The following FRMD5 variants were observed in gnomAD, a reference collection of about 807,000 sequenced individuals.
FRMD5 encodes the protein FERM domain containing 5, also known as FERM domain-containing protein 5.
FRMD5 carries 20 observed loss-of-function variants against 69.0 expected under a neutral mutation model. The ratio of observed to expected loss-of-function variants is 0.29; its 90% CI spans 0.20 to 0.42. FRMD5 has a LOEUF of 0.42. Ranked by LOEUF, FRMD5 falls within the 10% of genes least tolerant of loss-of-function variation. FRMD5 has a pLI of 1.00. For missense variants in FRMD5, 595 were observed against 708.6 expected (o/e 0.84, Z 1.82); for synonymous variants, 271 against 260.1 (o/e 1.04, Z -0.40).
chr15:43,888,711 TAGCTTGGCTCTACTGGGGTCCCTCA>T (rs1042352313), intron 9 of FRMD5, 73 bp downstream of exon 9: 9 of 966,866 alleles, frequency 9.3e-6, no homozygotes, highest in East Asian at 2.4e-5. Flanking sequence ...AGTATGTGGG[TAGCTTGGCTCTACTGGGGTCCCTCA>T]AGCTTGGCTC....
At chr15:43,875,102 C>T (rs2088293700) in intron 13 of FRMD5, among the ~76,000 whole-genome samples, 2 of 151,950 alleles carry the variant, frequency 1.3e-5, no homozygotes, top group Admixed American at 1.3e-4. Context: ...GGAGGGGAGG[C>T]AGGAGAACTG....
intron 1 of FRMD5, among the ~76,000 whole-genome samples, chr15:43,998,090 A>G (rs895964602): frequency 6.6e-6 from 1 of 152,230 alleles, no homozygotes; most frequent in African/African-American, 2.4e-5. Flanking sequence ...CAACTGGTTC[A>G]ATGTGGAACT....
At chr15:44,022,584 G>GGA (rs35363391) in intron 1 of FRMD5, among the ~76,000 whole-genome samples, 1 of 73,168 alleles carries the variant, frequency 1.4e-5, no homozygotes, top group Admixed American at 2.1e-4. Context: ...CACTCCACCA[G>GGA]AAAAAAAAAA....
intron 1 of FRMD5, among the ~76,000 whole-genome samples, chr15:44,049,962 C>G (rs1892585802): frequency 6.6e-6 from 1 of 152,136 alleles, no homozygotes; most frequent in South Asian, 2.1e-4. Context: ...TTGTCTCCAG[C>G]ACTAAACAAT....
intron 1 of FRMD5, among the ~76,000 whole-genome samples, chr15:44,144,791 C>A (rs973590989): frequency 6.6e-6 from 1 of 152,176 alleles, no homozygotes; most frequent in African/African-American, 2.4e-5. Context: ...GAAACTGCAA[C>A]GGAGTGAGTC....
At chr15:44,123,435 A>T (rs1010713949) in intron 1 of FRMD5, among the ~76,000 whole-genome samples, 6 of 152,210 alleles carry the variant, frequency 3.9e-5, no homozygotes. Context: ...TTTCGTATAT[A>T]AACAAGCTGG....
chr15:43,984,357 C>G (rs2412849), intron 1 of FRMD5, among the ~76,000 whole-genome samples: 125,240 of 152,158 alleles, frequency 0.82, 54,419 homozygotes, highest in Non-Finnish European at 0.95. Context: ...CGGAAACAAG[C>G]ACTGTGTGCA....
chr15:44,040,201 T>G lies in FRMD5; in HGVS notation c.103-115892A>C, dbSNP rs141910034. On this transcript the variant is annotated intron_variant, in intron 1 of 13. Coordinates refer to ENST00000417257, the MANE Select transcript of FRMD5 (RefSeq NM_032892.5). ...CAAATCTACATTTGATTGGTGTACCTGAAAGTAGCAGGGAGAATGGAACCA... is the reference window on the plus strand; with the variant it reads ...CAAATCTACATTTGATTGGTGTACCGGAAAGTAGCAGGGAGAATGGAACCA... 1.4e-3 allele frequency among the ~76,000 whole-genome samples: 208 copies of G among 152,260 alleles called. 4 individuals are homozygous for G. In the East Asian group the frequency reaches 0.033, roughly 24 times the overall value.
chr15:43,967,855 CCAT>C, intron 1 of FRMD5, among the ~76,000 whole-genome samples: 1 of 151,618 alleles, frequency 6.6e-6, no homozygotes, highest in South Asian at 2.1e-4. Context: ...ACCTATCAAC[CCAT>C]CATCTAGATT....
intron 1 of FRMD5, among the ~76,000 whole-genome samples, chr15:44,124,078 G>A (rs1331310939): frequency 2.0e-5 from 3 of 152,006 alleles, no homozygotes; most frequent in Non-Finnish European, 4.4e-5. Context: ...TGCAACCTCT[G>A]CCTCCTTGGG....
At chr15:44,168,009 C>G (rs2077738803) in intron 1 of FRMD5, among the ~76,000 whole-genome samples, 1 of 152,230 alleles carries the variant, frequency 6.6e-6, no homozygotes, top group Non-Finnish European at 1.5e-5. Context: ...TATAAGTTAA[C>G]ACTACAAATG....
At chr15:44,037,729 C>T (rs1465112319) in intron 1 of FRMD5, among the ~76,000 whole-genome samples, 1 of 151,936 alleles carries the variant, frequency 6.6e-6, no homozygotes, top group East Asian at 1.9e-4. Flanking sequence ...CTGCCTCGGC[C>T]TCCTAAAGTG....
intron 1 of FRMD5, among the ~76,000 whole-genome samples, chr15:44,047,720 A>C (rs1160755538): frequency 6.6e-6 from 1 of 152,148 alleles, no homozygotes; most frequent in East Asian, 1.9e-4. Context: ...ATTCCTGCCA[A>C]CACATTTCCT....
At chr15:43,959,949 C>T (rs547770226) in intron 1 of FRMD5, among the ~76,000 whole-genome samples, 4 of 152,290 alleles carry the variant, frequency 2.6e-5, no homozygotes, top group African/African-American at 9.6e-5. Context: ...CGGAGTTTCG[C>T]TCTTGTTGCC....
At chr15:43,918,340 C>CT (rs1315962734) in intron 4 of FRMD5, among the ~76,000 whole-genome samples, 1 of 152,232 alleles carries the variant, frequency 6.6e-6, no homozygotes, top group African/African-American at 2.4e-5. Context: ...AGGAGAATCG[C>CT]TTGAAACCAG....
chr15:44,191,378 G>A (rs1221119674), intron 1 of FRMD5, among the ~76,000 whole-genome samples: 1 of 152,046 alleles, frequency 6.6e-6, no homozygotes, highest in Non-Finnish European at 1.5e-5. Flanking sequence ...ACGAGGTCAA[G>A]AGATAGAGAC....
At chr15:44,010,256 C>T (rs957999648) in intron 1 of FRMD5, among the ~76,000 whole-genome samples, 2 of 152,224 alleles carry the variant, frequency 1.3e-5, no homozygotes, top group Non-Finnish European at 2.9e-5. Context: ...CTCCACTTTA[C>T]ACACAGCAGA....
chr15:43,895,793 C>A (rs524908), intron 7 of FRMD5, among the ~76,000 whole-genome samples: 90,469 of 151,976 alleles, frequency 0.6, 30,102 homozygotes, highest in East Asian at 0.73. Flanking sequence ...GGAAGGGACT[C>A]GAATTACAGT....
chr15:43,880,438 T>C (rs184601864), intron 13 of FRMD5, among the ~76,000 whole-genome samples: 303 of 152,222 alleles, frequency 2.0e-3, no homozygotes, highest in Non-Finnish European at 3.0e-3. Context: ...AGGCAAGCCC[T>C]CCTCTTGAAA....
Sources: gnomAD v4.1 joint callset for allele counts (sites outside exome capture counted in the v4.1 genomes callset) on GRCh38, gnomAD v4.1.1 for gene constraint, MANE v1.5 for transcripts, NCBI Gene and HGNC (gene_info 2026-07-23, HGNC 2026-07-21) for gene names.